The following CCDC60 variants were observed in gnomAD, a reference collection of about 807,000 sequenced individuals.
The protein encoded by CCDC60 is coiled-coil domain-containing protein 60.
A neutral mutation model predicts 63.5 loss-of-function variants in CCDC60; 54 were observed. That is an observed-to-expected ratio of 0.85 (90% CI 0.68 to 1.07). The LOEUF (loss-of-function observed/expected upper bound fraction) is 1.07, where lower values mean the gene tolerates loss of function less well. Among genes scored for constraint, CCDC60 ranks in the 50% least tolerant of loss-of-function variants. CCDC60 has a pLI of 0.00. For synonymous variants in CCDC60, 206 were observed against 238.8 expected (o/e 0.86, Z 1.27); for missense variants, 651 against 684.3 (o/e 0.95, Z 0.54).
At position 119,528,677 on chromosome 12, in the gene CCDC60, A is replaced by G; in HGVS notation, c.1292A>G (p.Lys431Arg). ...RAFVLVSNFQ[K>R]DIAKMRHHIS... ...TTTGTCCTTGTCTCAAATTTTCAAA[A>G]GGACATAGCAAAAATGAGACATCAC... is the stretch of plus-strand genomic sequence containing the variant. Residue 431 changes from lysine to arginine, a missense_variant, in exon 12 of 14, where the codon AAG becomes AGG. Transcript: ENST00000327554. 1 of 1,614,060 alleles carries G rather than the reference A, an allele frequency of 6.2e-7. No homozygotes were observed.
At chr12:119,522,909 G>A (rs200410316) in intron 9 of CCDC60, 30 bp from the exon 10 acceptor site, 6 of 1,611,668 alleles carry the variant, frequency 3.7e-6, no homozygotes, top group Non-Finnish European at 5.1e-6. Flanking sequence ...CAGACTCTGA[G>A]CAACTTGAAA....
chr12:119,523,833 A>G lies in CCDC60; in HGVS notation c.1229+15A>G. On this transcript the variant is annotated intron_variant, in intron 11 of 13. Coordinates refer to ENST00000327554, the MANE Select transcript of CCDC60 (RefSeq NM_178499.5). ...ATCCTCATGAAGTAAGCGCACATAT[A>G]TATCCATTCATTCAAACAGCATTCA... 4 of 1,613,396 alleles carry G rather than the reference A, an allele frequency of 2.5e-6. No homozygotes were observed. In the Middle Eastern group the frequency reaches 6.6e-4, roughly 266 times the overall value.
At chr12:119,534,007 G>A (rs150710771) in intron 13 of CCDC60, among the ~76,000 whole-genome samples, 1 of 152,248 alleles carries the variant, frequency 6.6e-6, no homozygotes, top group African/African-American at 2.4e-5. Context: ...AATTACCTTG[G>A]GGAGTACGGC....
intron 5 of CCDC60, among the ~76,000 whole-genome samples, chr12:119,498,024 G>T (rs141792498): frequency 6.6e-6 from 1 of 152,090 alleles, no homozygotes; most frequent in Non-Finnish European, 1.5e-5. Flanking sequence ...TCACCAGCCC[G>T]ACTTCCACTT....
At chr12:119,478,008 T>C (rs1163686661) in intron 3 of CCDC60, among the ~76,000 whole-genome samples, 3 of 152,044 alleles carry the variant, frequency 2.0e-5, no homozygotes, top group South Asian at 2.1e-4. Flanking sequence ...AATTTGGCCA[T>C]GGACAGAAAA....
chr12:119,438,433 T>G (rs1239522205), intron 2 of CCDC60, among the ~76,000 whole-genome samples: 1 of 152,250 alleles, frequency 6.6e-6, no homozygotes, highest in African/African-American at 2.4e-5. Context: ...ATAGCCAGGC[T>G]TGGCAGGCTC....
chr12:119,439,479 G>A (rs972956307), intron 2 of CCDC60, among the ~76,000 whole-genome samples: 14 of 152,176 alleles, frequency 9.2e-5, no homozygotes, highest in African/African-American at 3.1e-4. Context: ...TGCTGACAGC[G>A]AATGGCAATT....
chr12:119,516,655 G>A lies in CCDC60; in HGVS notation c.916G>A (p.Asp306Asn), dbSNP rs1952362497. The change falls in exon 8 of 14, where the codon GAT (aspartate) becomes AAT (asparagine). Residue 306 changes from aspartate (D) to asparagine (N), a missense_variant. Transcript: ENST00000327554. ...LQKLLEMVRE[D>N]ARRTVTIENG... ...GAAGCTCCTGGAGATGGTTCGGGAA[G>A]ATGCCCGGAGGACAGTCACAATAGA... 1.9e-6 allele frequency: 3 copies of A among 1,613,862 alleles called. No individual in the cohort carries two copies. The highest frequency in any genetic ancestry group is 2.5e-6 in the Non-Finnish European group (3 of 1,179,936).
intron 1 of CCDC60, among the ~76,000 whole-genome samples, chr12:119,414,454 T>C (rs1188131383): frequency 6.6e-6 from 1 of 152,252 alleles, no homozygotes; most frequent in Non-Finnish European, 1.5e-5. Context: ...ATAATGTCTT[T>C]CCTTCCAGTT....
intron 1 of CCDC60, among the ~76,000 whole-genome samples, chr12:119,360,380 G>A (rs1296792925): frequency 0.014 from 1,181 of 85,344 alleles, 13 homozygotes; most frequent in African/African-American, 0.055. Flanking sequence ...GCGGCTGGCC[G>A]GGCGGGGGGC....
intron 1 of CCDC60, among the ~76,000 whole-genome samples, chr12:119,400,160 C>T (rs1409720622): frequency 2.0e-5 from 3 of 151,944 alleles, no homozygotes; most frequent in Non-Finnish European, 4.4e-5. Context: ...CACCATTCTC[C>T]TGCCTCAGCC....
At chr12:119,529,547 T>TA (rs1364187542) in intron 12 of CCDC60, among the ~76,000 whole-genome samples, 1 of 152,160 alleles carries the variant, frequency 6.6e-6, no homozygotes, top group African/African-American at 2.4e-5. Flanking sequence ...GTAAAAAATG[T>TA]ACCCAGAATC....
At chr12:119,418,139 A>ATATG (rs991843750) in intron 1 of CCDC60, among the ~76,000 whole-genome samples, 6 of 151,800 alleles carry the variant, frequency 4.0e-5, no homozygotes, top group Non-Finnish European at 5.9e-5. Context: ...CATATTTTTC[A>ATATG]TATGTATGTA....
intron 7 of CCDC60, among the ~76,000 whole-genome samples, chr12:119,512,882 T>C (rs1952251085): frequency 2.0e-5 from 3 of 152,206 alleles, no homozygotes; most frequent in African/African-American, 7.2e-5. Context: ...TGGGATTATT[T>C]AAAAACCATC....
At chr12:119,361,814 A>G (rs1462784010) in intron 1 of CCDC60, among the ~76,000 whole-genome samples, 1 of 152,268 alleles carries the variant, frequency 6.6e-6, no homozygotes, top group African/African-American at 2.4e-5. Context: ...ATAATAAGTC[A>G]TGTCCATGCA....
At chr12:119,513,221 C>T (rs1566054460) in intron 7 of CCDC60, among the ~76,000 whole-genome samples, 1 of 152,186 alleles carries the variant, frequency 6.6e-6, no homozygotes, top group African/African-American at 2.4e-5. Flanking sequence ...CATTCACTTC[C>T]ACTCTCCCAC....
chr12:119,391,333 A>G (rs1189329287), intron 1 of CCDC60, among the ~76,000 whole-genome samples: 4 of 152,248 alleles, frequency 2.6e-5, no homozygotes, highest in African/African-American at 9.6e-5. Context: ...TATAGAGGAC[A>G]TTCTGAGCTG....
intron 6 of CCDC60, among the ~76,000 whole-genome samples, chr12:119,504,620 G>A (rs531150): frequency 0.033 from 5,063 of 152,236 alleles, 295 homozygotes; most frequent in African/African-American, 0.12. Flanking sequence ...TGGGGGACTA[G>A]GAAGTGTACA....
chr12:119,499,565 A>G (rs771136619), intron 5 of CCDC60, among the ~76,000 whole-genome samples: 6 of 152,220 alleles, frequency 3.9e-5, no homozygotes, highest in African/African-American at 2.4e-5. Context: ...TGTTGCACAC[A>G]GTGTCGTAGA....
Sources: allele counts gnomAD v4.1 joint callset (sites outside exome capture counted in the v4.1 genomes callset), GRCh38; gene constraint gnomAD v4.1.1; transcripts MANE v1.5; gene names NCBI Gene and HGNC (gene_info 2026-07-23, HGNC 2026-07-21).